The following POU6F2 variants were observed in gnomAD, a reference collection of about 807,000 sequenced individuals.
POU6F2 encodes POU class 6 homeobox 2.
POU6F2 carries 31 observed loss-of-function variants against 71.3 expected under a neutral mutation model. The ratio of observed to expected loss-of-function variants is 0.43; its 90% confidence interval spans 0.33 to 0.59. The LOEUF (loss-of-function observed/expected upper bound fraction) is 0.59. Among genes scored for constraint, POU6F2 ranks in the 20% least tolerant of loss-of-function variants. The pLI, the probability that POU6F2 is intolerant of heterozygous loss-of-function variation, is 0.04. For missense variants in POU6F2, 783 were observed against 856.8 expected, an observed-to-expected ratio of 0.91 and a Z score of 1.07; for synonymous variants, 347 against 355.7, an observed-to-expected ratio of 0.98 and a Z score of 0.27.
intron 4 of POU6F2, among the ~76,000 whole-genome samples, chr7:39,254,959 A>G (rs1783992934): frequency 6.6e-6 from 1 of 152,214 alleles, no homozygotes; most frequent in Admixed American, 6.5e-5. Context: ...CCCAAGAAAA[A>G]CAATACAGAT....
At chr7:39,197,999 A>C (rs984930453) in intron 2 of POU6F2, among the ~76,000 whole-genome samples, 1 of 152,218 alleles carries the variant, frequency 6.6e-6, no homozygotes, top group African/African-American at 2.4e-5. Context: ...CTACTCCCAA[A>C]GTTCTCTAAC....
intron 1 of POU6F2, among the ~76,000 whole-genome samples, chr7:39,003,130 T>C (rs1788960098): frequency 6.6e-6 from 1 of 152,160 alleles, no homozygotes; most frequent in Admixed American, 6.5e-5. Context: ...TTCTGTTTTA[T>C]AAATAATACA....
In POU6F2 at chr7:38,998,598, TG is replaced by T. The variant is rs1253451343; in HGVS notation, c.105+20541del. Among the ~76,000 whole-genome samples the T allele has an allele frequency of 2.6e-5, 4 of 152,080 alleles. No individual in the cohort carries two copies. In the East Asian group the frequency reaches 7.7e-4, roughly 29 times the overall value. ...GACATGTTCTGTAAAGTATTTTCAATGCAAGGAGAATTTTAGGAAAATTTAA... is the reference window on the plus strand; with the variant it reads ...GACATGTTCTGTAAAGTATTTTCAATCAAGGAGAATTTTAGGAAAATTTAA... On this transcript the variant is annotated intron_variant, in intron 1 of 9. Transcript: ENST00000518318.
At chr7:39,089,613 C>A (rs534012584) in intron 2 of POU6F2, among the ~76,000 whole-genome samples, 1 of 152,108 alleles carries the variant, frequency 6.6e-6, no homozygotes, top group Admixed American at 6.5e-5. Context: ...TTAGTTATGC[C>A]CATCAAGAAT....
At chr7:39,120,397 CCT>C (rs1792016871) in intron 2 of POU6F2, among the ~76,000 whole-genome samples, 2 of 152,126 alleles carry the variant, frequency 1.3e-5, no homozygotes, top group African/African-American at 2.4e-5. Flanking sequence ...TGAACTATTA[CCT>C]CTCTCTTTCA....
chr7:39,256,749 G>T (rs111821998), intron 4 of POU6F2, among the ~76,000 whole-genome samples: 6 of 152,192 alleles, frequency 3.9e-5, no homozygotes, highest in African/African-American at 1.4e-4. Context: ...AGAAAGACTG[G>T]CCCAGCCGCT....
intron 5 of POU6F2, among the ~76,000 whole-genome samples, chr7:39,395,522 T>C (rs1211060090): frequency 6.6e-6 from 1 of 152,194 alleles, no homozygotes; most frequent in East Asian, 1.9e-4. Flanking sequence ...CTTAAAGCAT[T>C]GGCTACGTAG....
At chr7:39,046,357 C>T (rs1038699971) in intron 1 of POU6F2, among the ~76,000 whole-genome samples, 4 of 151,744 alleles carry the variant, frequency 2.6e-5, no homozygotes, top group East Asian at 1.9e-4. Context: ...AGCACTTTGT[C>T]GGAAATCTGA....
intron 4 of POU6F2, among the ~76,000 whole-genome samples, chr7:39,266,695 C>CTTTTTTTTTTTTTTTTTTT (rs35508359): frequency 9.5e-6 from 1 of 105,116 alleles, no homozygotes; most frequent in Non-Finnish European, 1.8e-5. Flanking sequence ...CGCACCTGGC[C>CTTTTTTTTTTTTTTTTTTT]TTTTTTTTTT....
intron 2 of POU6F2, among the ~76,000 whole-genome samples, chr7:39,185,640 C>T (rs1362949818): frequency 2.0e-5 from 3 of 151,948 alleles, no homozygotes; most frequent in Non-Finnish European, 2.9e-5. Flanking sequence ...CAGGTGATCT[C>T]CTGAAATAAT....
chr7:39,030,273 A>G lies in POU6F2; in HGVS notation c.105+52215A>G, dbSNP rs573234040. 5.3e-5 allele frequency among the ~76,000 whole-genome samples: 8 copies of G among 151,384 alleles called. No homozygotes were observed. The East Asian group carries it at 1.4e-3, about 26-fold the overall frequency. ...AGTTTTATTTTCTAGGAAATTGCCC[A>G]TTTTGATCAATATTTTGCACTCAGT... On this transcript the variant is annotated intron_variant, in intron 1 of 9. Coordinates refer to ENST00000518318, the MANE Select transcript of POU6F2 (RefSeq NM_001370959.1).
At chr7:39,325,319 A>G (rs896488844) in intron 4 of POU6F2, among the ~76,000 whole-genome samples, 2 of 152,180 alleles carry the variant, frequency 1.3e-5, no homozygotes, top group African/African-American at 4.8e-5. Context: ...AAAGTGAGGA[A>G]ATATATGCTA....
chr7:39,422,690 G>C (rs1461784667), intron 6 of POU6F2, among the ~76,000 whole-genome samples: 3 of 152,158 alleles, frequency 2.0e-5, no homozygotes, highest in Non-Finnish European at 4.4e-5. Flanking sequence ...TTTCCACCAT[G>C]TGCCTGCCAT....
intron 1 of POU6F2, among the ~76,000 whole-genome samples, chr7:39,063,800 AAGC>A (rs1170255856): frequency 6.6e-6 from 1 of 152,174 alleles, no homozygotes; most frequent in Non-Finnish European, 1.5e-5. Context: ...GTAAAAGAAC[AAGC>A]AGCAGATTAG....
At chr7:39,418,973 A>G (rs1177670244) in intron 6 of POU6F2, among the ~76,000 whole-genome samples, 1 of 119,008 alleles carries the variant, frequency 8.4e-6, no homozygotes, top group African/African-American at 3.6e-5. Context: ...ATGTGTATAT[A>G]TGTATATATA....
chr7:39,347,477 A>G (rs1786053258), intron 5 of POU6F2, among the ~76,000 whole-genome samples: 1 of 152,146 alleles, frequency 6.6e-6, no homozygotes, highest in Admixed American at 6.5e-5. Context: ...AACCTACACT[A>G]AAGGGCATCT....
chr7:39,256,793 C>G (rs1333847033), intron 4 of POU6F2, among the ~76,000 whole-genome samples: 1 of 152,124 alleles, frequency 6.6e-6, no homozygotes, highest in East Asian at 1.9e-4. Context: ...AGAGCCCCTT[C>G]CAAAGAACAT....
chr7:39,385,538 C>A (rs1786920200), intron 5 of POU6F2, among the ~76,000 whole-genome samples: 1 of 152,132 alleles, frequency 6.6e-6, no homozygotes, highest in Non-Finnish European at 1.5e-5. Context: ...CATTAAGAAC[C>A]CAATAATCAC....
At chr7:39,327,148 G>A (rs369000225) in intron 4 of POU6F2, among the ~76,000 whole-genome samples, 20 of 151,950 alleles carry the variant, frequency 1.3e-4, no homozygotes, top group East Asian at 5.8e-4. Context: ...GCGTGGTGGC[G>A]GGCGCCTGTA....
Sources: allele counts gnomAD v4.1 joint callset (sites outside exome capture counted in the v4.1 genomes callset), GRCh38; gene constraint gnomAD v4.1.1; transcripts MANE v1.5; gene names NCBI Gene and HGNC (gene_info 2026-07-23, HGNC 2026-07-21).